PCSK5: variants seen among roughly 807,000 people sequenced by gnomAD.
PCSK5 encodes prohormone convertase 5.
A neutral mutation model predicts 233.2 loss-of-function variants in PCSK5; 129 were observed. That is an observed-to-expected ratio of 0.55 (90% CI 0.48 to 0.64). The LOEUF (loss-of-function observed/expected upper bound fraction) is 0.64. Among genes scored for constraint, PCSK5 ranks in the 30% least tolerant of loss-of-function variants. The probability of loss-of-function intolerance (pLI) is 0.00; values close to 1 mark genes in which losing one functional copy is unlikely to be tolerated. For synonymous variants in PCSK5, 825 were observed against 879.2 expected (o/e 0.94, Z 1.09); for missense variants, 2,076 against 2,430.1 (o/e 0.85, Z 3.06).
intron 20 of PCSK5, chr9:76,193,533 C>A (rs1239903423): frequency 3.9e-6 from 2 of 516,336 alleles, no homozygotes; most frequent in Admixed American, 3.8e-5. Flanking sequence ...TTTGTCAGAA[C>A]TTAAATGGAA....
chr9:76,155,398 G>A (rs1453300875), intron 10 of PCSK5, among the ~76,000 whole-genome samples: 2 of 152,204 alleles, frequency 1.3e-5, no homozygotes, highest in Non-Finnish European at 2.9e-5. Context: ...ATATACTATA[G>A]TTTATTTGTC....
intron 1 of PCSK5, among the ~76,000 whole-genome samples, chr9:75,915,250 A>C (rs1376585499): frequency 6.6e-6 from 1 of 152,126 alleles, no homozygotes; most frequent in Non-Finnish European, 1.5e-5. Flanking sequence ...TCCTGACTGT[A>C]TTATATGGTT....
At chr9:76,254,867 G>GGT in intron 24 of PCSK5, among the ~76,000 whole-genome samples, 1 of 152,330 alleles carries the variant, frequency 6.6e-6, no homozygotes, top group Admixed American at 6.5e-5. Context: ...AATGCGATAG[G>GGT]CCAGAAGTTC....
At chr9:76,239,396 T>A (rs2007744) in intron 23 of PCSK5, among the ~76,000 whole-genome samples, 1 of 152,092 alleles carries the variant, frequency 6.6e-6, no homozygotes, top group Non-Finnish European at 1.5e-5. Context: ...GGAATGCACT[T>A]AAGTGTATAG....
chr9:75,950,203 C>T (rs1203526403), intron 2 of PCSK5, among the ~76,000 whole-genome samples: 2 of 150,572 alleles, frequency 1.3e-5, no homozygotes, highest in Admixed American at 1.3e-4. Flanking sequence ...ACAACAAGGG[C>T]CTTTTATTTA....
At chr9:76,358,227 C>T (rs542091899) in intron 37 of PCSK5, among the ~76,000 whole-genome samples, 2 of 152,112 alleles carry the variant, frequency 1.3e-5, no homozygotes, top group South Asian at 2.1e-4. Flanking sequence ...AGAGACAGGC[C>T]GGGTGCGGTG....
At chr9:76,273,794 A>G (rs1312583068) in intron 24 of PCSK5, among the ~76,000 whole-genome samples, 1 of 149,996 alleles carries the variant, frequency 6.7e-6, no homozygotes, top group Non-Finnish European at 1.5e-5. Flanking sequence ...TATCATACAT[A>G]GCTAATTTTT....
intron 2 of PCSK5, among the ~76,000 whole-genome samples, chr9:75,963,415 C>G (rs984686673): frequency 9.2e-5 from 14 of 152,166 alleles, no homozygotes; most frequent in Non-Finnish European, 1.5e-4. Context: ...AATTATAGAG[C>G]GGCATCTTCA....
intron 1 of PCSK5, among the ~76,000 whole-genome samples, chr9:75,896,120 C>G (rs1825790745): frequency 6.6e-6 from 1 of 152,140 alleles, no homozygotes; most frequent in Non-Finnish European, 1.5e-5. Flanking sequence ...GATCCTCAGC[C>G]CTGACCCCTG....
At chr9:75,946,391 T>A (rs10781316) in intron 2 of PCSK5, among the ~76,000 whole-genome samples, 102,588 of 151,620 alleles carry the variant, frequency 0.68, 34,885 homozygotes, top group East Asian at 0.84. Flanking sequence ...GCCACTCCTC[T>A]GTGGGCTTAT....
intron 9 of PCSK5, among the ~76,000 whole-genome samples, chr9:76,109,571 T>TC (rs1220064481): frequency 6.6e-6 from 1 of 151,958 alleles, no homozygotes; most frequent in Non-Finnish European, 1.5e-5. Flanking sequence ...TTTTTTTTTT[T>TC]TTTTTCTCTT....
chr9:76,169,642 T>G (rs1587711572), intron 12 of PCSK5, 62 bp from the exon 13 acceptor site: 1 of 1,535,810 alleles, frequency 6.5e-7, no homozygotes. Flanking sequence ...TCGATTGTGG[T>G]ATTAACTAGA....
intron 1 of PCSK5, among the ~76,000 whole-genome samples, chr9:75,902,369 A>T (rs137914238): frequency 1.3e-5 from 2 of 152,082 alleles, no homozygotes; most frequent in Non-Finnish European, 2.9e-5. Context: ...GGTTGACCAT[A>T]GTCTGTGAGG....
chr9:76,339,263 T>C (rs1471448721), intron 35 of PCSK5, among the ~76,000 whole-genome samples: 1 of 152,226 alleles, frequency 6.6e-6, no homozygotes, highest in Non-Finnish European at 1.5e-5. Context: ...GTTAAAACTT[T>C]CTAGAAAAAT....
intron 7 of PCSK5, among the ~76,000 whole-genome samples, chr9:76,087,617 A>G (rs1831118482): frequency 6.6e-6 from 1 of 152,200 alleles, no homozygotes; most frequent in African/African-American, 2.4e-5. Flanking sequence ...ATTTTTTTGA[A>G]AGTGAGGTCG....
At chr9:76,120,642 CTAGGTCCT>C (rs1216718410) in intron 9 of PCSK5, among the ~76,000 whole-genome samples, 4 of 150,902 alleles carry the variant, frequency 2.7e-5, no homozygotes, top group African/African-American at 9.7e-5. Flanking sequence ...TTTCTTATCT[CTAGGTCCT>C]TTAACTCACA....
At chr9:76,280,507 C>T (rs1380926159) in intron 24 of PCSK5, among the ~76,000 whole-genome samples, 2 of 152,006 alleles carry the variant, frequency 1.3e-5, no homozygotes, top group Non-Finnish European at 2.9e-5. Flanking sequence ...TTTGGGAGGC[C>T]GAGGCAGGAG....
At chr9:75,913,324 G>A (rs111922223) in intron 1 of PCSK5, among the ~76,000 whole-genome samples, 145 of 152,246 alleles carry the variant, frequency 9.5e-4, no homozygotes, top group African/African-American at 3.2e-3. Flanking sequence ...TTGATGCGTC[G>A]GTAGTCAGAT....
intron 29 of PCSK5, among the ~76,000 whole-genome samples, chr9:76,309,676 C>CAAAAA (rs781340914): frequency 8.7e-6 from 1 of 114,634 alleles, no homozygotes. Context: ...GACGCTGCCT[C>CAAAAA]AAAAAAAAAA....
Sources: allele counts gnomAD v4.1 joint callset (sites outside exome capture counted in the v4.1 genomes callset), GRCh38; gene constraint gnomAD v4.1.1; transcripts MANE v1.5; gene names NCBI Gene and HGNC (gene_info 2026-07-23, HGNC 2026-07-21).